The following EPHA6 variants were observed in gnomAD, a reference collection of about 807,000 sequenced individuals.
The protein encoded by EPHA6 is EPH receptor A6.
EPHA6 carries 50 observed loss-of-function variants against 112.0 expected under a neutral mutation model. That is an observed-to-expected ratio of 0.45 (90% CI 0.36 to 0.56). The LOEUF (loss-of-function observed/expected upper bound fraction) is 0.56. Among genes scored for constraint, EPHA6 ranks in the 20% least tolerant of loss-of-function variants. EPHA6 has a pLI of 0.00. For synonymous variants in EPHA6, 529 were observed against 490.7 expected, an observed-to-expected ratio of 1.08 and a Z score of -1.03; for missense variants, 1,280 against 1,417.4, an observed-to-expected ratio of 0.90 and a Z score of 1.56.
Position 97,181,681 on chromosome 3 carries a change from T to G in EPHA6, c.1115-44583T>G, listed in dbSNP as rs534468280. ...TTAATAAATTTGAAGTTATCTAAAA[T>G]AGCTTATTTATAATTATTAGAGGAT... On this transcript the variant is annotated intron_variant, in intron 3 of 17. Coordinates refer to ENST00000389672, the MANE Select transcript of EPHA6 (RefSeq NM_001080448.3). 1.7e-3 allele frequency among the ~76,000 whole-genome samples: 255 copies of G among 152,194 alleles called. 1 individual carries two copies. Among genetic ancestry groups the G allele is most frequent in the African/African-American group, 5.8e-3 (243 of 41,542 alleles).
At chr3:97,473,074 GT>G (rs1481580566) in intron 7 of EPHA6, among the ~76,000 whole-genome samples, 2 of 151,732 alleles carry the variant, frequency 1.3e-5, no homozygotes, top group African/African-American at 2.4e-5. Context: ...TGTTGTTCTT[GT>G]TGAAGATGAT....
At chr3:97,079,833 A>G (rs1394271198) in intron 3 of EPHA6, among the ~76,000 whole-genome samples, 2 of 151,928 alleles carry the variant, frequency 1.3e-5, no homozygotes, top group African/African-American at 4.8e-5. Context: ...AGCAACCATC[A>G]ACGTTGAGGC....
chr3:97,698,899 T>G (rs1433381951), intron 14 of EPHA6, among the ~76,000 whole-genome samples: 1 of 152,238 alleles, frequency 6.6e-6, no homozygotes, highest in Non-Finnish European at 1.5e-5. Context: ...AAATTTGTCA[T>G]GACAAGTAAA....
intron 11 of EPHA6, among the ~76,000 whole-genome samples, chr3:97,541,053 G>A (rs1271607844): frequency 2.0e-5 from 3 of 152,030 alleles, no homozygotes; most frequent in African/African-American, 4.8e-5. Context: ...GTCTTATGTA[G>A]GGCTGGATAA....
At chr3:97,475,605 C>G in intron 8 of EPHA6, 145 bp downstream of exon 8, 3 of 560,938 alleles carry the variant, frequency 5.3e-6, no homozygotes, top group Non-Finnish European at 9.3e-6. Context: ...AGTGAACCAT[C>G]ATTAGTTCTC....
chr3:97,149,237 T>C (rs2076112962), intron 3 of EPHA6, among the ~76,000 whole-genome samples: 1 of 152,136 alleles, frequency 6.6e-6, no homozygotes, highest in Non-Finnish European at 1.5e-5. Flanking sequence ...TAGAGGACTT[T>C]GATGCACATG....
At chr3:97,075,783 T>A (rs1422316519) in intron 3 of EPHA6, among the ~76,000 whole-genome samples, 5 of 152,028 alleles carry the variant, frequency 3.3e-5, no homozygotes, top group African/African-American at 1.2e-4. Flanking sequence ...TTCAATAGAA[T>A]GTATTTACTT....
chr3:97,646,396 A>C, intron 14 of EPHA6: 1 of 960,336 alleles, frequency 1.0e-6, no homozygotes, highest in Non-Finnish European at 1.4e-6. Context: ...CACTAAAGTA[A>C]ATGAAGAATG....
At chr3:96,890,822 A>G (rs1256451331) in intron 2 of EPHA6, among the ~76,000 whole-genome samples, 2 of 152,182 alleles carry the variant, frequency 1.3e-5, no homozygotes, top group South Asian at 2.1e-4. Flanking sequence ...GTGGTGGCTC[A>G]TGCCTGTAAT....
At chr3:96,959,335 G>T (rs1430239147) in intron 2 of EPHA6, among the ~76,000 whole-genome samples, 2 of 151,886 alleles carry the variant, frequency 1.3e-5, no homozygotes, top group Non-Finnish European at 2.9e-5. Context: ...CAAATTATTT[G>T]CCCATGTTAA....
At chr3:97,052,076 T>G (rs2045701108) in intron 3 of EPHA6, among the ~76,000 whole-genome samples, 1 of 152,242 alleles carries the variant, frequency 6.6e-6, no homozygotes, top group Admixed American at 6.5e-5. Flanking sequence ...ATTATTACCA[T>G]TTTATAGATG....
intron 2 of EPHA6, among the ~76,000 whole-genome samples, chr3:96,915,814 C>G (rs1443897253): frequency 6.6e-6 from 1 of 151,930 alleles, no homozygotes; most frequent in African/African-American, 2.4e-5. Context: ...TAAATTCATT[C>G]TATTTAGTTT....
At chr3:96,976,213 C>T (rs1005888573) in intron 2 of EPHA6, among the ~76,000 whole-genome samples, 1 of 152,018 alleles carries the variant, frequency 6.6e-6, no homozygotes, top group Non-Finnish European at 1.5e-5. Context: ...ATGCATATAG[C>T]TTAGTTTTAT....
At chr3:97,302,365 G>T (rs1315196824) in intron 5 of EPHA6, among the ~76,000 whole-genome samples, 1 of 151,722 alleles carries the variant, frequency 6.6e-6, no homozygotes, top group Non-Finnish European at 1.5e-5. Flanking sequence ...AAAATAAAGA[G>T]TAAAACTTGT....
intron 7 of EPHA6, among the ~76,000 whole-genome samples, chr3:97,472,216 CTCATTGAATTTG>C (rs2091249996): frequency 6.6e-6 from 1 of 151,628 alleles, no homozygotes; most frequent in South Asian, 2.1e-4. Flanking sequence ...AGTTCCTGCT[CTCATTGAATTTG>C]AAATCAAATG....
At chr3:97,360,157 C>T (rs1388905672) in intron 5 of EPHA6, among the ~76,000 whole-genome samples, 2 of 152,168 alleles carry the variant, frequency 1.3e-5, no homozygotes, top group African/African-American at 4.8e-5. Context: ...GTGCAAGCTG[C>T]ACCAGGAACA....
At chr3:97,419,792 T>G (rs1339192640) in intron 6 of EPHA6, among the ~76,000 whole-genome samples, 1 of 152,084 alleles carries the variant, frequency 6.6e-6, no homozygotes, top group African/African-American at 2.4e-5. Flanking sequence ...ACTGATTGAT[T>G]ACATAAACCT....
At chr3:97,625,765 C>G (rs2093851067) in intron 13 of EPHA6, among the ~76,000 whole-genome samples, 1 of 151,546 alleles carries the variant, frequency 6.6e-6, no homozygotes, top group Admixed American at 6.6e-5. Context: ...ACAATTTGGA[C>G]TATGTATACA....
At chr3:97,075,890 G>A (rs1000905497) in intron 3 of EPHA6, among the ~76,000 whole-genome samples, 1 of 151,786 alleles carries the variant, frequency 6.6e-6, no homozygotes, top group Non-Finnish European at 1.5e-5. Flanking sequence ...TCATTGTTTG[G>A]GGTGTTATGA....
Sources: gnomAD v4.1 joint callset for allele counts (sites outside exome capture counted in the v4.1 genomes callset) on GRCh38, gnomAD v4.1.1 for gene constraint, MANE v1.5 for transcripts, NCBI Gene and HGNC (gene_info 2026-07-23, HGNC 2026-07-21) for gene names.